SLIT1: variants seen among roughly 807,000 people sequenced by gnomAD.
The protein encoded by SLIT1 is slit guidance ligand 1, also known as slit homolog 1 protein.
SLIT1 carries 66 observed loss-of-function variants against 186.1 expected under a neutral mutation model. That is an observed-to-expected ratio of 0.35 (90% CI 0.29 to 0.44). The LOEUF is 0.44. SLIT1 is among the 20% of genes least tolerant of loss of function. The probability of loss-of-function intolerance (pLI) is 1.00; values close to 1 mark genes in which losing one functional copy is unlikely to be tolerated. For missense variants in SLIT1, 1,638 were observed against 2,037.4 expected (o/e 0.80, Z 3.77); for synonymous variants, 761 against 833.8 (o/e 0.91, Z 1.50).
At position 97,001,065 on chromosome 10, in the gene SLIT1, C is replaced by G. The variant is rs533484396; in HGVS notation, c.*47G>C. The G allele has an allele frequency of 1.8e-5, 27 of 1,501,066 alleles. No homozygotes were observed. The African/African-American group carries it at 2.1e-4, about 11-fold the overall frequency. 93.0% of individuals were successfully genotyped at this position (1,501,066 alleles called of 1,614,324 possible). A position where few individuals can be genotyped will look rare whatever the true frequency, so the allele number is the denominator to read the frequency against. ...CTGGCGACTGTCTCCGCTGCTGCAG[C>G]GGCTGGGGCCCCTTGCCCGCCCTCA... On this transcript the variant is annotated 3_prime_UTR_variant, in exon 37 of 37. Coordinates refer to ENST00000266058, the MANE Select transcript of SLIT1 (RefSeq NM_003061.3).
intron 4 of SLIT1, among the ~76,000 whole-genome samples, chr10:97,152,155 G>A (rs187022598): frequency 3.3e-4 from 50 of 152,254 alleles, no homozygotes; most frequent in Admixed American, 7.8e-4. Context: ...TCCTCAGCCC[G>A]GGCACTGACT....
chr10:97,116,926 A>G (rs1000200153), intron 4 of SLIT1, among the ~76,000 whole-genome samples: 2 of 152,006 alleles, frequency 1.3e-5, no homozygotes, highest in Non-Finnish European at 2.9e-5. Flanking sequence ...TCAGCTTGTT[A>G]CCTGTCTGTG....
intron 4 of SLIT1, among the ~76,000 whole-genome samples, chr10:97,132,191 C>T (rs2134695706): frequency 6.6e-6 from 1 of 152,280 alleles, no homozygotes; most frequent in African/African-American, 2.4e-5. Flanking sequence ...TGAGGTGCCC[C>T]TCTGCCAGCC....
intron 11 of SLIT1, 85 bp downstream of exon 11, chr10:97,059,375 C>G: frequency 8.9e-7 from 1 of 1,120,294 alleles, no homozygotes; most frequent in Non-Finnish European, 1.3e-6. Context: ...TGCTCCTCCT[C>G]CTGCATCCAC....
rs1195631349 is a variant in SLIT1 at position 97,014,167 on chromosome 10, G to T, written c.2970-9C>A. The T allele has an allele frequency of 1.9e-6, 3 of 1,612,900 alleles. No homozygotes were observed. Among genetic ancestry groups the T allele is most frequent in the Non-Finnish European group, 2.5e-6 (3 of 1,179,970 alleles). Reference sequence around the variant, plus strand: ...CGGTGGGACAGGAGCACCTGTGCGGGGAAGGGGAGGATGGAGAGACAGCCC... The same window carrying T: ...CGGTGGGACAGGAGCACCTGTGCGGTGAAGGGGAGGATGGAGAGACAGCCC... On this transcript the variant is annotated splice_polypyrimidine_tract_variant and intron_variant, in intron 28 of 36. Coordinates refer to ENST00000266058, the MANE Select transcript of SLIT1 (RefSeq NM_003061.3).
intron 12 of SLIT1, 51 bp from the exon 13 acceptor site, chr10:97,056,515 C>T (rs776944449): frequency 5.7e-6 from 9 of 1,587,808 alleles, no homozygotes; most frequent in Non-Finnish European, 6.9e-6. Flanking sequence ...CGACCTGAGA[C>T]CCATCTCAGG....
chr10:97,167,268 G>C (rs1850133891), intron 1 of SLIT1, among the ~76,000 whole-genome samples: 1 of 152,166 alleles, frequency 6.6e-6, no homozygotes, highest in African/African-American at 2.4e-5. Flanking sequence ...TCACTGTGTT[G>C]CACCCCAACC....
intron 4 of SLIT1, among the ~76,000 whole-genome samples, chr10:97,088,073 AC>A (rs1849186167): frequency 6.6e-6 from 1 of 152,134 alleles, no homozygotes; most frequent in African/African-American, 2.4e-5. Flanking sequence ...GCACACTGGA[AC>A]TATCTGGGAA....
intron 4 of SLIT1, among the ~76,000 whole-genome samples, chr10:97,091,652 A>G (rs1849233153): frequency 6.6e-6 from 1 of 152,240 alleles, no homozygotes; most frequent in Non-Finnish European, 1.5e-5. Context: ...TTTGTATGAC[A>G]GTCACACTTC....
chr10:97,111,997 C>T (rs144447434), intron 4 of SLIT1, among the ~76,000 whole-genome samples: 10 of 152,312 alleles, frequency 6.6e-5, no homozygotes, highest in Admixed American at 3.9e-4. Flanking sequence ...CCTGGCTGAA[C>T]GTGCCGAGCT....
intron 4 of SLIT1, among the ~76,000 whole-genome samples, chr10:97,129,739 C>T (rs762655842): frequency 2.6e-5 from 4 of 152,200 alleles, no homozygotes; most frequent in Admixed American, 1.3e-4. Context: ...TCTTCACTCC[C>T]TCATCCTGCC....
intron 4 of SLIT1, among the ~76,000 whole-genome samples, chr10:97,129,715 C>T (rs1486774595): frequency 6.6e-6 from 1 of 152,202 alleles, no homozygotes; most frequent in East Asian, 1.9e-4. Flanking sequence ...TACTCCACAG[C>T]CCCAGCTCTG....
chr10:97,065,887 C>T, intron 5 of SLIT1, 128 bp downstream of exon 5: 3 of 681,728 alleles, frequency 4.4e-6, no homozygotes, highest in Non-Finnish European at 7.9e-6. Flanking sequence ...CTGGCACCAG[C>T]CCTCTGAGAG....
chr10:97,143,757 A>G (rs1849789121), intron 4 of SLIT1, among the ~76,000 whole-genome samples: 1 of 152,200 alleles, frequency 6.6e-6, no homozygotes, highest in South Asian at 2.1e-4. Context: ...GTGAATATGA[A>G]CATTAATGCT....
intron 13 of SLIT1, among the ~76,000 whole-genome samples, chr10:97,052,396 G>A (rs1848797587): frequency 1.3e-5 from 2 of 152,220 alleles, no homozygotes; most frequent in East Asian, 3.9e-4. Context: ...CACTGCACCT[G>A]GCCTGTATGA....
Position 97,146,180 on chromosome 10 carries a change from G to A in SLIT1, c.413+11638C>T, listed in dbSNP as rs552965558. Among the ~76,000 whole-genome samples, 8 of 152,262 alleles carry A rather than the reference G, an allele frequency of 5.3e-5. No homozygotes were observed. In the East Asian group the frequency reaches 1.2e-3, roughly 22 times the overall value. ...GACTACATTGAAGTGATCACATTTT[G>A]CCTTAGGGCACACACTGCAAAGAGC... On this transcript the variant is annotated intron_variant, in intron 4 of 36. Transcript: ENST00000266058.
Position 97,037,783 on chromosome 10 carries a change from G to A in SLIT1, c.2298-17C>T. The A allele has an allele frequency of 6.3e-7, 1 of 1,594,080 alleles. No individual in the cohort carries two copies. Among genetic ancestry groups the A allele is most frequent in the Non-Finnish European group, 8.6e-7 (1 of 1,163,706 alleles). On this transcript the variant is annotated splice_polypyrimidine_tract_variant and intron_variant, in intron 21 of 36. Transcript: ENST00000266058. ...TCCAAATAGCTGCAGAGAGAACACA[G>A]CGGCGTTAGTGCCCATCTCCACCTC...
At position 97,046,988 on chromosome 10, in the gene SLIT1, C is replaced by T. The variant is rs368995909; in HGVS notation, c.1709+3G>A. 3 of 1,607,640 alleles carry T rather than the reference C, an allele frequency of 1.9e-6. No individual in the cohort carries two copies. The African/African-American group carries it at 4.0e-5, about 21-fold the overall frequency. On this transcript the variant is annotated splice_donor_region_variant and intron_variant, in intron 17 of 36. Coordinates refer to ENST00000266058, the MANE Select transcript of SLIT1 (RefSeq NM_003061.3). ...GACACCTTCTCGCCAATGGGTAACT[C>T]ACATTTTCTTCAGATGTGTAAGTTT...
intron 4 of SLIT1, among the ~76,000 whole-genome samples, chr10:97,083,645 G>A (rs906672693): frequency 2.6e-5 from 4 of 152,168 alleles, no homozygotes; most frequent in Non-Finnish European, 4.4e-5. Context: ...CTGAGCGGCC[G>A]TGCTGCAGAG....
Sources: allele counts gnomAD v4.1 joint callset (sites outside exome capture counted in the v4.1 genomes callset), GRCh38; gene constraint gnomAD v4.1.1; transcripts MANE v1.5; gene names NCBI Gene and HGNC (gene_info 2026-07-23, HGNC 2026-07-21).